The following PCMT1 variants were observed in gnomAD, a reference collection of about 807,000 sequenced individuals.
The protein encoded by PCMT1 is protein-L-isoaspartate (D-aspartate) O-methyltransferase.
A neutral mutation model predicts 29.2 loss-of-function variants in PCMT1; 9 were observed. The observed-to-expected ratio is 0.31, with a 90% CI of 0.19 to 0.54. The LOEUF is 0.54. Among genes scored for constraint, PCMT1 ranks in the 20% least tolerant of loss-of-function variants. The pLI, the probability that PCMT1 is intolerant of heterozygous loss-of-function variation, is 0.95. For synonymous variants in PCMT1, 98 were observed against 97.5 expected, an observed-to-expected ratio of 1.00 and a Z score of -0.03; for missense variants, 184 against 282.2, an observed-to-expected ratio of 0.65 and a Z score of 2.49.
At chr6:149,790,147 A>G (rs985061255) in intron 4 of PCMT1, 89 bp downstream of exon 4, 37 of 750,638 alleles carry the variant, frequency 4.9e-5, no homozygotes, top group African/African-American at 4.0e-4. Context: ...TTTCATGTTT[A>G]TTTGTTTGTT....
intron 6 of PCMT1, among the ~76,000 whole-genome samples, chr6:149,800,771 A>G (rs1253296146): frequency 6.6e-6 from 1 of 152,136 alleles, no homozygotes; most frequent in Non-Finnish European, 1.5e-5. Flanking sequence ...AGATTCTACA[A>G]TAATAGGATA....
At position 149,763,136 on chromosome 6, in the gene PCMT1, GATAT is replaced by G. The variant is rs1194731968; in HGVS notation, c.56-8019_56-8016del. Among the ~76,000 whole-genome samples, 271 of 52,736 alleles carry G rather than the reference GATAT, an allele frequency of 5.1e-3. 108 individuals are homozygous for G. In the African/African-American group the frequency reaches 0.054, roughly 10 times the overall value. 34.6% of individuals were successfully genotyped at this position (52,736 alleles called of 152,430 possible). On this transcript the variant is annotated intron_variant, in intron 1 of 7. Coordinates refer to ENST00000464889, the MANE Select transcript of PCMT1 (RefSeq NM_001360452.2). Reference sequence around the variant, plus strand: ...TGATATGTATATCTATGATATATATGATATATATATCTATGATATATATCTATGA... The same window carrying G: ...TGATATGTATATCTATGATATATATGATATATCTATGATATATATCTATGA...
At chr6:149,791,803 A>T (rs1208479158) in intron 4 of PCMT1, among the ~76,000 whole-genome samples, 1 of 152,166 alleles carries the variant, frequency 6.6e-6, no homozygotes, top group Non-Finnish European at 1.5e-5. Context: ...TCTATACTTG[A>T]CATGTTTATA....
At chr6:149,760,188 CT>C (rs1786679582) in intron 1 of PCMT1, among the ~76,000 whole-genome samples, 1 of 152,044 alleles carries the variant, frequency 6.6e-6, no homozygotes, top group South Asian at 2.1e-4. Flanking sequence ...GTGTAAACAC[CT>C]TTTGCTTACC....
At chr6:149,810,493 T>A (rs1454809527) in intron 7 of PCMT1, 123 bp from the exon 8 acceptor site, 1 of 654,184 alleles carries the variant, frequency 1.5e-6, no homozygotes, top group African/African-American at 1.9e-5. Context: ...TTTTATTTTT[T>A]AAATATATTG....
At chr6:149,771,385 A>G (rs1283307834) in intron 2 of PCMT1, 119 bp downstream of exon 2, 3 of 541,850 alleles carry the variant, frequency 5.5e-6, no homozygotes, top group South Asian at 6.3e-5. Flanking sequence ...TTTGAATTTT[A>G]TGACTCAGCA....
In PCMT1 at chr6:149,793,560, TG is replaced by T; in HGVS notation, c.311del (p.Gly104GlufsTer4). 6.8e-7 allele frequency: 1 copy of T among 1,481,146 alleles called. No homozygotes were observed. The highest frequency in any genetic ancestry group is 8.9e-7 in the Non-Finnish European group (1 of 1,121,392). The allele number at this position is 1,481,146 out of a possible 1,614,324, so 91.8% of individuals were successfully genotyped here. A position where few individuals can be genotyped will look rare whatever the true frequency, so the allele number is the denominator to read the frequency against. ...TTTCTCTTTTCCAGGTTGGATGTAC[TG>T]GAAAAGTCATAGGAATTGATCACAT... ...ACFARMVGCT[G>X]KVIGIDHIKE... On this transcript the variant is annotated frameshift_variant, in exon 5 of 8. Coordinates refer to ENST00000464889, the MANE Select transcript of PCMT1 (RefSeq NM_001360452.2). LOFTEE classifies it high-confidence loss of function.
intron 3 of PCMT1, among the ~76,000 whole-genome samples, chr6:149,785,447 TCTCGCAGAG>T (rs1478599269): frequency 6.6e-6 from 1 of 151,340 alleles, no homozygotes; most frequent in Non-Finnish European, 1.5e-5. Flanking sequence ...CTTGGGTGTT[TCTCGCAGAG>T]GGGGATTTGG....
chr6:149,798,731 CT>C (rs1788710994), intron 6 of PCMT1, among the ~76,000 whole-genome samples: 1 of 152,158 alleles, frequency 6.6e-6, no homozygotes, highest in Non-Finnish European at 1.5e-5. Context: ...GAAGTAGAAA[CT>C]AAAGAGACTA....
intron 1 of PCMT1, among the ~76,000 whole-genome samples, chr6:149,770,739 C>G (rs1291363391): frequency 1.3e-5 from 2 of 149,018 alleles, no homozygotes; most frequent in African/African-American, 2.5e-5. Flanking sequence ...TCCAGTGGCT[C>G]ACACCTGTAA....
intron 1 of PCMT1, among the ~76,000 whole-genome samples, chr6:149,770,442 G>A (rs2115249372): frequency 6.6e-6 from 1 of 152,254 alleles, no homozygotes; most frequent in South Asian, 2.1e-4. Context: ...GGGCACGGTG[G>A]CTCACACCTA....
chr6:149,758,304 C>T (rs950600979), intron 1 of PCMT1, among the ~76,000 whole-genome samples: 1 of 150,146 alleles, frequency 6.7e-6, no homozygotes, highest in African/African-American at 2.5e-5. Flanking sequence ...TCCGCCTCCC[C>T]GGTTCAAGCA....
intron 3 of PCMT1, among the ~76,000 whole-genome samples, chr6:149,774,538 C>CTTTTTTTTT (rs34761342): frequency 8.6e-6 from 1 of 116,948 alleles, no homozygotes; most frequent in Non-Finnish European, 1.7e-5. Flanking sequence ...TGGGCCCAGT[C>CTTTTTTTTT]TTTTTTTTTT....
intron 7 of PCMT1, among the ~76,000 whole-genome samples, chr6:149,802,798 A>G (rs898894748): frequency 2.6e-5 from 4 of 152,048 alleles, no homozygotes; most frequent in African/African-American, 9.7e-5. Context: ...TCATGCCTGT[A>G]ATCCCAGCAC....
At chr6:149,761,339 TAATC>T (rs565437884) in intron 1 of PCMT1, among the ~76,000 whole-genome samples, 111 of 152,238 alleles carry the variant, frequency 7.3e-4, no homozygotes, top group African/African-American at 2.7e-3. Context: ...TATTAATTTT[TAATC>T]AAGTAATATA....
Position 149,755,283 on chromosome 6 carries a change from T to C in PCMT1, c.55+5327T>C, listed in dbSNP as rs555212908. Among the ~76,000 whole-genome samples, 9 of 152,244 alleles carry C rather than the reference T, an allele frequency of 5.9e-5. No homozygotes were observed. The South Asian group carries it at 1.5e-3, about 25-fold the overall frequency. On this transcript the variant is annotated intron_variant, in intron 1 of 7. Transcript: ENST00000464889. ...AATAAACAAAATTAGCTGGGCATTA[T>C]GGTGCATGCCTGTAGTCTCAGCTAC... is the stretch of plus-strand genomic sequence containing the variant.
intron 1 of PCMT1, among the ~76,000 whole-genome samples, chr6:149,752,091 C>T (rs1786346737): frequency 6.8e-6 from 1 of 147,106 alleles, no homozygotes; most frequent in East Asian, 2.0e-4. Flanking sequence ...GTTGCCCAGG[C>T]TGGTCTTGAA....
intron 5 of PCMT1, chr6:149,795,747 G>A: frequency 5.1e-6 from 1 of 197,824 alleles, no homozygotes. Context: ...TACTATTAAG[G>A]TACTATATCT....
chr6:149,793,985 T>TAG (rs1788491510), intron 5 of PCMT1, among the ~76,000 whole-genome samples: 1 of 152,212 alleles, frequency 6.6e-6, no homozygotes, highest in Admixed American at 6.5e-5. Flanking sequence ...ACAGGGCTTC[T>TAG]AGCCCTTTGT....
Sources: allele counts gnomAD v4.1 joint callset (sites outside exome capture counted in the v4.1 genomes callset), GRCh38; gene constraint gnomAD v4.1.1; transcripts MANE v1.5; gene names NCBI Gene and HGNC (gene_info 2026-07-23, HGNC 2026-07-21).